The following CHN2 variants were observed in gnomAD, a reference collection of about 807,000 sequenced individuals.
The protein encoded by CHN2 is chimerin 2.
CHN2 carries 35 observed loss-of-function variants against 56.3 expected under a neutral mutation model. The observed-to-expected ratio is 0.62, with a 90% CI of 0.47 to 0.82. The LOEUF (loss-of-function observed/expected upper bound fraction) is 0.82, where lower values mean the gene tolerates loss of function less well. Among genes scored for constraint, CHN2 ranks in the 40% least tolerant of loss-of-function variants. CHN2 has a pLI of 0.00. For missense variants in CHN2, 491 were observed against 580.5 expected (o/e 0.85, Z 1.58); for synonymous variants, 210 against 212.8 (o/e 0.99, Z 0.12).
intron 12 of CHN2, among the ~76,000 whole-genome samples, chr7:29,511,580 T>A (rs999395208): frequency 1.2e-4 from 18 of 152,194 alleles, no homozygotes; most frequent in African/African-American, 4.3e-4. Flanking sequence ...CTTTCCAACC[T>A]TCTTCTTAGG....
rs546088967 is a variant in CHN2 at position 29,479,074 on chromosome 7, G to A, written c.577-1205G>A. On this transcript the variant is annotated intron_variant, in intron 6 of 12. Coordinates refer to ENST00000222792, the MANE Select transcript of CHN2 (RefSeq NM_004067.4). ...TAGTTCCTAAAGCATTAATTTTACT[G>A]TCTGGCATTAGCTGCATTAATCTTC... Among the ~76,000 whole-genome samples the A allele has an allele frequency of 3.3e-5, 5 of 151,634 alleles. No individual in the cohort carries two copies. The South Asian group carries it at 1.0e-3, about 31-fold the overall frequency.
rs1799197456 is a variant in CHN2 at position 29,366,762 on chromosome 7, TA to T, written c.89-1169del. On this transcript the variant is annotated intron_variant, in intron 2 of 12. Coordinates refer to ENST00000222792, the MANE Select transcript of CHN2 (RefSeq NM_004067.4). ...GTACATTTCAAAATGTATAAAGGGT[TA>T]GATAGCTCCTTCTCTGTGCTAAAAC... Among the ~76,000 whole-genome samples the T allele has an allele frequency of 2.0e-5, 3 of 152,184 alleles. 1 individual carries two copies. Among genetic ancestry groups the T allele is most frequent in the African/African-American group, 7.2e-5 (3 of 41,446 alleles).
chr7:29,349,983 G>A (rs527831559), intron 1 of CHN2, among the ~76,000 whole-genome samples: 4 of 152,248 alleles, frequency 2.6e-5, no homozygotes, highest in Admixed American at 2.6e-4. Flanking sequence ...GATGGAATAT[G>A]TTCCACCATT....
intron 7 of CHN2, among the ~76,000 whole-genome samples, chr7:29,486,687 G>A (rs1053493379): frequency 3.3e-5 from 5 of 152,078 alleles, no homozygotes; most frequent in African/African-American, 4.8e-5. Context: ...TGCACCAGGA[G>A]CACCCCGTTC....
chr7:29,341,267 G>A (rs1797037301), intron 1 of CHN2, among the ~76,000 whole-genome samples: 1 of 152,184 alleles, frequency 6.6e-6, no homozygotes, highest in South Asian at 2.1e-4. Flanking sequence ...CAGTTCCACT[G>A]CAGTGGGCTC....
rs1215765279 is a variant in CHN2 at position 29,396,724 on chromosome 7, C to T, written c.177-1649C>T. ...ATGTCCCTCCCCCCACACCCACCCC[C>T]ACACTCACTGCCAACCCACCCGCCA... On this transcript the variant is annotated intron_variant, in intron 4 of 12. Transcript: ENST00000222792. 2.7e-5 allele frequency: 4 copies of T among 149,912 alleles called. No individual in the cohort carries two copies. The East Asian group carries it at 8.0e-4, about 30-fold the overall frequency. 9.3% of individuals were successfully genotyped at this position (149,912 alleles called of 1,614,324 possible).
At chr7:29,498,906 G>C (rs535895969) in intron 8 of CHN2, among the ~76,000 whole-genome samples, 1 of 151,646 alleles carries the variant, frequency 6.6e-6, no homozygotes, top group African/African-American at 2.4e-5. Flanking sequence ...GGATTACAGG[G>C]GTCCACCACC....
chr7:29,255,309 C>T (rs141587258), intron 1 of CHN2, among the ~76,000 whole-genome samples: 211 of 152,320 alleles, frequency 1.4e-3, no homozygotes, highest in Admixed American at 3.5e-3. Flanking sequence ...CAGCCAGCCC[C>T]ATCCCGGCAG....
At chr7:29,245,355 G>A (rs911377924) in intron 1 of CHN2, among the ~76,000 whole-genome samples, 5 of 152,136 alleles carry the variant, frequency 3.3e-5, no homozygotes, top group Admixed American at 2.0e-4. Context: ...AGAAACCAGG[G>A]AACAATGATA....
At chr7:29,174,075 C>T (rs6944596) in intron 2 of CHN2, among the ~76,000 whole-genome samples, 19,312 of 152,104 alleles carry the variant, frequency 0.13, 1,717 homozygotes, top group East Asian at 0.43. Context: ...TCATAGTCTC[C>T]ATGGGGAAGA....
intron 1 of CHN2, among the ~76,000 whole-genome samples, chr7:29,263,964 G>A (rs1180968638): frequency 1.7e-5 from 2 of 118,556 alleles, no homozygotes; most frequent in East Asian, 2.4e-4. Context: ...CGCCCCGTCT[G>A]GGAGGTGGGG....
chr7:29,378,703 T>C (rs1474143059), intron 3 of CHN2, among the ~76,000 whole-genome samples: 1 of 152,228 alleles, frequency 6.6e-6, no homozygotes, highest in Admixed American at 6.5e-5. Context: ...CGGTGGCTCA[T>C]GCCTGTAATC....
At chr7:29,200,875 G>T (rs1784109005) in intron 1 of CHN2, 1 of 152,176 alleles carries the variant, frequency 6.6e-6, no homozygotes, top group Admixed American at 6.5e-5. Context: ...GGGGCCTGAA[G>T]CTGAAGAATT....
At chr7:29,311,794 A>G (rs552717104) in intron 1 of CHN2, among the ~76,000 whole-genome samples, 1 of 152,368 alleles carries the variant, frequency 6.6e-6, no homozygotes, top group Non-Finnish European at 1.5e-5. Context: ...CTATTTAGGC[A>G]ACGAGTATTT....
intron 7 of CHN2, among the ~76,000 whole-genome samples, chr7:29,486,248 CA>C (rs752979088): frequency 5.3e-5 from 8 of 152,202 alleles, no homozygotes; most frequent in Non-Finnish European, 8.8e-5. Context: ...ACAAGCTGTT[CA>C]TTCACGTTGG....
At chr7:29,342,054 T>C (rs538624278) in intron 1 of CHN2, among the ~76,000 whole-genome samples, 3 of 152,356 alleles carry the variant, frequency 2.0e-5, no homozygotes, top group Admixed American at 2.0e-4. Flanking sequence ...AATCACTTGT[T>C]TGATGTTCAT....
At chr7:29,227,679 G>C (rs1786317827) in intron 1 of CHN2, among the ~76,000 whole-genome samples, 1 of 152,200 alleles carries the variant, frequency 6.6e-6, no homozygotes, top group African/African-American at 2.4e-5. Context: ...GCAGAGCTGA[G>C]AGATGGAGAA....
chr7:29,270,277 C>T (rs1315349670), intron 1 of CHN2, among the ~76,000 whole-genome samples: 1 of 152,088 alleles, frequency 6.6e-6, no homozygotes, highest in Non-Finnish European at 1.5e-5. Context: ...CCAGCATGCT[C>T]TTCTAGAAAA....
At chr7:29,310,987 C>A (rs923633321) in intron 1 of CHN2, among the ~76,000 whole-genome samples, 1 of 152,198 alleles carries the variant, frequency 6.6e-6, no homozygotes, top group African/African-American at 2.4e-5. Flanking sequence ...TGAAAGAATT[C>A]TTAAACAACA....
Sources: gnomAD v4.1 joint callset for allele counts (sites outside exome capture counted in the v4.1 genomes callset) on GRCh38, gnomAD v4.1.1 for gene constraint, MANE v1.5 for transcripts, NCBI Gene and HGNC (gene_info 2026-07-23, HGNC 2026-07-21) for gene names.